The following DAPK2 variants were observed in gnomAD, a reference collection of about 807,000 sequenced individuals.
DAPK2 encodes the protein death associated protein kinase 2.
Under a neutral mutation model 44.1 loss-of-function variants are expected in DAPK2, and 35 were observed. The observed-to-expected ratio is 0.79, with a 90% CI of 0.61 to 1.05. The LOEUF (loss-of-function observed/expected upper bound fraction) is 1.05, where lower values mean the gene tolerates loss of function less well. DAPK2 is among the 50% of genes least tolerant of loss of function. DAPK2 has a pLI of 0.00. For synonymous variants in DAPK2, 174 were observed against 182.6 expected, an observed-to-expected ratio of 0.95 and a Z score of 0.38; for missense variants, 453 against 483.2, an observed-to-expected ratio of 0.94 and a Z score of 0.59.
intron 6 of DAPK2, among the ~76,000 whole-genome samples, chr15:63,928,892 C>T (rs925815069): frequency 7.2e-5 from 11 of 152,134 alleles, no homozygotes; most frequent in Admixed American, 6.5e-4. Flanking sequence ...AGTAGCTTCA[C>T]AGGGCTGTCC....
At chr15:63,949,766 T>C (rs1417428762) in intron 3 of DAPK2, among the ~76,000 whole-genome samples, 1 of 152,196 alleles carries the variant, frequency 6.6e-6, no homozygotes, top group Non-Finnish European at 1.5e-5. Flanking sequence ...TCGATTCCAC[T>C]TCTACCCATC....
intron 3 of DAPK2, among the ~76,000 whole-genome samples, chr15:63,960,532 G>C (rs1166678074): frequency 6.6e-6 from 1 of 152,234 alleles, no homozygotes; most frequent in African/African-American, 2.4e-5. Flanking sequence ...ATGTGTCCCA[G>C]AGATTCTGGT....
chr15:64,024,755 A>G (rs2079790110), intron 1 of DAPK2, among the ~76,000 whole-genome samples: 1 of 152,266 alleles, frequency 6.6e-6, no homozygotes, highest in African/African-American at 2.4e-5. Flanking sequence ...GGAATGCTTC[A>G]CCAACTAGAG....
At chr15:64,039,504 T>A (rs1811528657) in intron 1 of DAPK2, among the ~76,000 whole-genome samples, 1 of 152,242 alleles carries the variant, frequency 6.6e-6, no homozygotes, top group African/African-American at 2.4e-5. Context: ...TCAAACTTCA[T>A]GACTGGTGTT....
chr15:64,005,771 G>A (rs1355255913), intron 1 of DAPK2, among the ~76,000 whole-genome samples: 2 of 152,190 alleles, frequency 1.3e-5, no homozygotes, highest in Non-Finnish European at 2.9e-5. Context: ...GTGCGTGCCT[G>A]TAATCCCAGC....
chr15:63,983,625 C>G lies in DAPK2; in HGVS notation c.222G>C (p.Glu74Asp), dbSNP rs1399354123. 2 of 1,614,108 alleles carry G rather than the reference C, an allele frequency of 1.2e-6. No homozygotes were observed. The highest frequency in any genetic ancestry group is 2.7e-5 in the African/African-American group (2 of 74,936). Reference sequence around the variant, plus strand: ...GCAGCACCTGCCGCAGGATGCTCACCTCCCGCTCGATCTCCTCCCGGCTCA... The same window carrying G: ...GCAGCACCTGCCGCAGGATGCTCACGTCCCGCTCGATCTCCTCCCGGCTCA... Residue 74 changes from glutamate (E) to aspartate (D), a missense_variant, in exon 2 of 11, where the codon GAG becomes GAC. Coordinates refer to ENST00000261891, the Ensembl canonical transcript of DAPK2.
At chr15:63,945,333 G>T (rs1261029395) in intron 3 of DAPK2, among the ~76,000 whole-genome samples, 1 of 152,204 alleles carries the variant, frequency 6.6e-6, no homozygotes, top group Non-Finnish European at 1.5e-5. Context: ...TTGGTTTTAG[G>T]ATTCCTGGTA....
chr15:63,929,476 G>A lies in DAPK2; in HGVS notation c.659+75C>T. On this transcript the variant is annotated intron_variant, in intron 6 of 10. Coordinates refer to ENST00000261891, the Ensembl canonical transcript of DAPK2. ...GTGCTTAGTAAATGTCAGTCTATCA[G>A]CCTGCCCCTCTCTCATTCCTTCTGG... 4 of 1,582,316 alleles carry A rather than the reference G, an allele frequency of 2.5e-6. No homozygotes were observed. The South Asian group carries it at 4.4e-5, about 18-fold the overall frequency.
At chr15:64,016,332 G>C (rs564617158) in intron 1 of DAPK2, among the ~76,000 whole-genome samples, 6 of 152,358 alleles carry the variant, frequency 3.9e-5, no homozygotes, top group African/African-American at 1.2e-4. Flanking sequence ...TTATCACAGA[G>C]AGGCAGTGTA....
chr15:63,910,185 G>GACGAGGAAAGCAGCCAT, intron 10 of DAPK2, among the ~76,000 whole-genome samples: 1 of 152,378 alleles, frequency 6.6e-6, no homozygotes, highest in East Asian at 1.9e-4. Context: ...AAAGCAGCCA[G>GACGAGGAAAGCAGCCAT]AGCCGGCACA....
At chr15:63,937,650 G>A (rs2077200683) in intron 4 of DAPK2, among the ~76,000 whole-genome samples, 2 of 152,078 alleles carry the variant, frequency 1.3e-5, no homozygotes, top group Non-Finnish European at 1.5e-5. Context: ...GGCCATGACT[G>A]ATCCCATTGA....
chr15:63,964,602 C>A (rs1383237628), intron 3 of DAPK2, among the ~76,000 whole-genome samples: 2 of 152,008 alleles, frequency 1.3e-5, no homozygotes, highest in Non-Finnish European at 2.9e-5. Flanking sequence ...CTTTTTGAGG[C>A]TATTTTCTAG....
intron 1 of DAPK2, among the ~76,000 whole-genome samples, chr15:64,023,440 A>G (rs1166445762): frequency 3.9e-5 from 6 of 152,256 alleles, no homozygotes; most frequent in Non-Finnish European, 7.3e-5. Flanking sequence ...GGGGAAGGGC[A>G]GATCCCAGCA....
chr15:63,924,848 T>C (rs762314204), exon 8 of DAPK2: 1 of 1,614,146 alleles, frequency 6.2e-7, no homozygotes, highest in Non-Finnish European at 8.5e-7. Flanking sequence ...GCCTCTTGGA[T>C]TGTGAGCCGT....
intron 3 of DAPK2, among the ~76,000 whole-genome samples, chr15:63,948,988 C>T (rs2077520860): frequency 6.6e-6 from 1 of 152,186 alleles, no homozygotes; most frequent in Non-Finnish European, 1.5e-5. Flanking sequence ...CCTGTGTGCT[C>T]TCCACTCTCC....
chr15:63,980,830 C>T lies in DAPK2; in HGVS notation c.314+2703G>A, dbSNP rs1393500600. ...TGGGTCGGGGTGCGGTGGCTCACGC[C>T]TGTAATCCCAACGCTTTGGGAGGCC... On this transcript the variant is annotated intron_variant, in intron 2 of 10. Coordinates refer to ENST00000261891, the Ensembl canonical transcript of DAPK2. The surrounding 1 kb of genome is among the most constrained non-coding windows in gnomAD (Gnocchi z 4.3). Among the ~76,000 whole-genome samples, 2 of 152,182 alleles carry T rather than the reference C, an allele frequency of 1.3e-5. No individual in the cohort carries two copies. The highest frequency in any genetic ancestry group is 2.9e-5 in the Non-Finnish European group (2 of 68,040).
At chr15:63,928,707 C>G (rs1288309567) in intron 6 of DAPK2, among the ~76,000 whole-genome samples, 7 of 152,090 alleles carry the variant, frequency 4.6e-5, no homozygotes, top group African/African-American at 1.7e-4. Flanking sequence ...GGGACTCCAG[C>G]CCCAGAGGTA....
chr15:63,951,204 G>C (rs781400368), intron 3 of DAPK2, among the ~76,000 whole-genome samples: 3 of 152,116 alleles, frequency 2.0e-5, no homozygotes, highest in Non-Finnish European at 2.9e-5. Context: ...GTGCAGATTG[G>C]GGGTGGAGGA....
At chr15:63,974,037 T>C (rs947464886) in intron 2 of DAPK2, among the ~76,000 whole-genome samples, 16 of 152,216 alleles carry the variant, frequency 1.1e-4, no homozygotes, top group Admixed American at 7.2e-4. Flanking sequence ...CCATTAATTA[T>C]ATTCATTTTT....
Sources: allele counts gnomAD v4.1 joint callset (sites outside exome capture counted in the v4.1 genomes callset), GRCh38; gene constraint gnomAD v4.1.1; non-coding constraint Gnocchi (gnomAD v3.1); transcripts MANE v1.5; gene names NCBI Gene and HGNC (gene_info 2026-07-23, HGNC 2026-07-21).